Variants in ZNF221 observed in about 807,000 individuals in gnomAD.
The protein encoded by ZNF221 is zinc finger protein 221.
ZNF221 carries 10 observed loss-of-function variants against 12.6 expected under a neutral mutation model. The observed-to-expected ratio is 0.79, with a 90% confidence interval of 0.49 to 1.34. The LOEUF is 1.34. Among genes scored for constraint, ZNF221 ranks in the 40% most tolerant of loss-of-function variants. The probability of loss-of-function intolerance (pLI) is 0.00; values close to 1 mark genes in which losing one functional copy is unlikely to be tolerated. For missense variants in ZNF221, 661 were observed against 721.4 expected (o/e 0.92, Z 0.96); for synonymous variants, 232 against 244.0 (o/e 0.95, Z 0.46).
chr19:43,971,553 A>G (rs1975096726), downstream of ZNF221, among the ~76,000 whole-genome samples: 1 of 152,190 alleles, frequency 6.6e-6, no homozygotes, highest in East Asian at 1.9e-4. Flanking sequence ...AAATAAAGGG[A>G]TGGAGGAAAA....
chr19:43,964,376 G>A (rs1184476599), intron 2 of ZNF221, among the ~76,000 whole-genome samples: 2 of 152,174 alleles, frequency 1.3e-5, no homozygotes, highest in Non-Finnish European at 2.9e-5. Flanking sequence ...TGTGCTCTGA[G>A]GCATGATGGT....
At chr19:43,975,031 A>AAT in the ZNF221 span, among the ~76,000 whole-genome samples, 12 of 152,152 alleles carry the variant, frequency 7.9e-5, no homozygotes, top group Admixed American at 2.6e-4. Context: ...CAAAAAAAAA[A>AAT]AAAGTCAAAA....
rs74373493 is a variant in ZNF221 at position 43,966,567 on chromosome 19, T to A, written c.1065T>A (p.Ser355Arg). The change falls in exon 5 of 5, where the codon AGT becomes AGA. Residue 355 changes from serine to arginine, a missense_variant. Physicochemically the swap from Ser to Arg is moderately radical, Grantham distance 110. Transcript: ENST00000587682. ...KNFRQRSALN[S>R]HSMVHIEEKP... is the part of the protein sequence containing the mutation. ...TTCGTCAGAGATCAGCACTTAATAG[T>A]CATTCCATGGTCCACATAGAAGAGA... The A allele has an allele frequency of 1.1e-4, 171 of 1,614,162 alleles. No homozygotes were observed. In the East Asian group the frequency reaches 3.6e-3, roughly 34 times the overall value.
rs1974966331 is a variant in ZNF221, at chr19:43,966,570, T to C, written c.1068T>C (p.His356=). Residue 356 remains histidine (H), a synonymous_variant, in exon 5 of 5, where the codon CAT becomes CAC. Coordinates refer to ENST00000587682, the MANE Select transcript of ZNF221 (RefSeq NM_001297588.2). Reference sequence around the variant, plus strand: ...GTCAGAGATCAGCACTTAATAGTCATTCCATGGTCCACATAGAAGAGAAGC... The same window carrying C: ...GTCAGAGATCAGCACTTAATAGTCACTCCATGGTCCACATAGAAGAGAAGC... ...NFRQRSALNS[H]SMVHIEEKPY... 1 of 1,614,180 alleles carries C rather than the reference T, an allele frequency of 6.2e-7. No individual in the cohort carries two copies. Among genetic ancestry groups the C allele is most frequent in the Non-Finnish European group, 8.5e-7 (1 of 1,180,026 alleles).
chr19:43,968,652 G>A (rs1975029600), downstream of ZNF221, among the ~76,000 whole-genome samples: 1 of 152,240 alleles, frequency 6.6e-6, no homozygotes, highest in African/African-American at 2.4e-5. Context: ...GAAAATGACA[G>A]ATAAATTCAG....
In ZNF221 at chr19:43,962,799, ACATT is replaced by A. The variant is rs745704720; in HGVS notation, c.76_79del (p.Phe26LysfsTer4). On this transcript the variant is annotated frameshift_variant, in exon 2 of 5. Transcript: ENST00000587682. LOFTEE classifies it high-confidence loss of function. ...CCCTGAAGTAGAAGGAAAAATGACC[ACATT>A]CAAAGTGAGTAGGGCTTGCCTCTCT... 36 of 1,613,636 alleles carry A rather than the reference ACATT, an allele frequency of 2.2e-5. No individual in the cohort carries two copies. Among genetic ancestry groups the A allele is most frequent in the Non-Finnish European group, 3.1e-5 (36 of 1,179,738 alleles).
intron 1 of ZNF221, among the ~76,000 whole-genome samples, chr19:43,956,897 C>T (rs11669713): frequency 0.21 from 31,516 of 152,036 alleles, 3,961 homozygotes; most frequent in East Asian, 0.4. Flanking sequence ...TCAGACAGCC[C>T]CTGAGCTAGA....
chr19:43,956,517 T>C (rs1348497981), intron 1 of ZNF221, among the ~76,000 whole-genome samples: 13 of 14,150 alleles, frequency 9.2e-4, no homozygotes, highest in Non-Finnish European at 2.9e-3. Flanking sequence ...TATCCTCTCT[T>C]ATGCGAAACA....
the ZNF221 span, among the ~76,000 whole-genome samples, chr19:43,980,847 C>G: frequency 5.3e-5 from 8 of 152,170 alleles, no homozygotes; most frequent in Non-Finnish European, 1.0e-4. Flanking sequence ...TTTGACTCAT[C>G]CAAGATAAGT....
At chr19:43,969,786 A>C (rs1199157244), downstream of ZNF221, among the ~76,000 whole-genome samples, 1 of 152,088 alleles carries the variant, frequency 6.6e-6, no homozygotes, top group East Asian at 1.9e-4. Context: ...CTCCCAGGGG[A>C]GTGGCGACCA....
chr19:43,976,973 G>C, the ZNF221 span: 1 of 152,288 alleles, frequency 6.6e-6, no homozygotes, highest in South Asian at 2.1e-4. Flanking sequence ...GAAAGAACAA[G>C]TGTTCAACCA....
chr19:43,971,349 C>G (rs1975092410), downstream of ZNF221, among the ~76,000 whole-genome samples: 1 of 152,162 alleles, frequency 6.6e-6, no homozygotes, highest in African/African-American at 2.4e-5. Context: ...ACCACATAAA[C>G]AAGTCTGCAA....
At chr19:43,978,790 T>G in the ZNF221 span, 8 of 152,166 alleles carry the variant, frequency 5.3e-5, no homozygotes, top group Non-Finnish European at 1.5e-5. Flanking sequence ...TTGGGTACAT[T>G]ATTATAATTG....
downstream of ZNF221, among the ~76,000 whole-genome samples, chr19:43,970,390 A>G (rs767256548): frequency 3.3e-5 from 5 of 152,336 alleles, no homozygotes; most frequent in East Asian, 9.6e-4. Context: ...CCTCTCTAGC[A>G]AGGGTACAGA....
At chr19:43,964,238 A>G (rs141147501) in intron 2 of ZNF221, among the ~76,000 whole-genome samples, 63 of 152,290 alleles carry the variant, frequency 4.1e-4, no homozygotes, top group African/African-American at 1.4e-3. Flanking sequence ...TCCCAATGCT[A>G]TATATATTTC....
downstream of ZNF221, among the ~76,000 whole-genome samples, chr19:43,968,443 G>A (rs60213673): frequency 0.078 from 11,890 of 152,234 alleles, 948 homozygotes; most frequent in African/African-American, 0.21. Context: ...TTGGCACTTT[G>A]TATGTGTGTT....
rs141927408 is a variant in ZNF221 at position 43,966,013 on chromosome 19, C to T, written c.511C>T (p.Arg171Cys). The change falls in exon 5 of 5, where the codon CGT (arginine) becomes TGT (cysteine). Residue 171 changes from arginine (R) to cysteine (C), a missense_variant. Physicochemically the swap from Arg to Cys is radical, Grantham distance 180. Transcript: ENST00000587682. Reference sequence around the variant, plus strand: ...AAGTCACGTGCAACAGAAACCTTACCGTTGTAATGAATGTAAACAGTCCTT... The same window carrying T: ...AAGTCACGTGCAACAGAAACCTTACTGTTGTAATGAATGTAAACAGTCCTT... ...SISHVQQKPYRCNECKQSFSD... is the reference protein window; with the variant it reads ...SISHVQQKPYCCNECKQSFSD... 1.7e-4 allele frequency: 275 copies of T among 1,614,210 alleles called. No homozygotes were observed. The highest frequency in any genetic ancestry group is 2.3e-4 in the African/African-American group (17 of 75,074).
chr19:43,966,257 A>T lies in ZNF221; in HGVS notation c.755A>T (p.Lys252Ile). ...CATCAGAGAGTCCATACTGGAGAGAAACCATTCAAATGTGGGCAATGTGGG... is the reference window on the plus strand; with the variant it reads ...CATCAGAGAGTCCATACTGGAGAGATACCATTCAAATGTGGGCAATGTGGG... ...QTHQRVHTGE[K>I]PFKCGQCGKG... is the part of the protein sequence containing the mutation. Residue 252 changes from lysine to isoleucine, a missense_variant, in exon 5 of 5, where the codon AAA (lysine) becomes ATA (isoleucine). Lys to Ile is a moderately radical substitution (Grantham distance 102, BLOSUM62 -3). Transcript: ENST00000587682. 1 of 1,614,088 alleles carries T rather than the reference A, an allele frequency of 6.2e-7. No homozygotes were observed. The highest frequency in any genetic ancestry group is 1.3e-5 in the African/African-American group (1 of 75,072).
At chr19:43,953,369 C>G (rs927785402) in intron 1 of ZNF221, among the ~76,000 whole-genome samples, 1 of 151,978 alleles carries the variant, frequency 6.6e-6, no homozygotes, top group Non-Finnish European at 1.5e-5. Flanking sequence ...GCTTCCATAC[C>G]TTCCTGGGTA....
Sources: gnomAD v4.1 joint callset for allele counts (sites outside exome capture counted in the v4.1 genomes callset) on GRCh38, gnomAD v4.1.1 for gene constraint, MANE v1.5 for transcripts, NCBI Gene and HGNC (gene_info 2026-07-23, HGNC 2026-07-21) for gene names.